The following C20orf173 variants were observed in gnomAD, a reference collection of about 807,000 sequenced individuals.
The protein encoded by C20orf173 is uncharacterized protein C20orf173.
C20orf173 carries 22 observed loss-of-function variants against 26.7 expected under a neutral mutation model. That is an observed-to-expected ratio of 0.82 (90% CI 0.59 to 1.18). C20orf173 has a LOEUF of 1.18. Ranked by LOEUF, C20orf173 falls within the 50% of genes most tolerant of loss-of-function variation. The probability of loss-of-function intolerance (pLI) is 0.00; values close to 1 mark genes in which losing one functional copy is unlikely to be tolerated. For synonymous variants in C20orf173, 85 were observed against 96.4 expected (o/e 0.88, Z 0.69); for missense variants, 210 against 250.3 (o/e 0.84, Z 1.09).
At chr20:35,521,632 G>A (rs560667558), downstream of C20orf173, among the ~76,000 whole-genome samples, 18 of 149,522 alleles carry the variant, frequency 1.2e-4, no homozygotes, top group Non-Finnish European at 1.9e-4. Context: ...TTTTGAGATG[G>A]AGTTTTGCTC....
chr20:35,528,255 C>G lies in C20orf173; in HGVS notation c.*3G>C. ...CACCGTGTCTTTGCTATCTTCCACT[C>G]CACTAGGGAACCAGACCATCTTCCA... is the stretch of plus-strand genomic sequence containing the variant. On this transcript the variant is annotated 3_prime_UTR_variant, in exon 5 of 6. Transcript: ENST00000444723. 6.4e-7 allele frequency: 1 copy of G among 1,552,142 alleles called. No homozygotes were observed. The highest frequency in any genetic ancestry group is 1.2e-5 in the South Asian group (1 of 84,060).
downstream of C20orf173, among the ~76,000 whole-genome samples, chr20:35,524,399 T>C (rs1194186046): frequency 6.6e-6 from 1 of 152,190 alleles, no homozygotes; most frequent in East Asian, 1.9e-4. Context: ...ATAAATTTCA[T>C]AAAATTTTAC....
At chr20:35,527,720 G>A (rs972177599) in intron 5 of C20orf173, among the ~76,000 whole-genome samples, 2 of 152,148 alleles carry the variant, frequency 1.3e-5, no homozygotes, top group Admixed American at 1.3e-4. Flanking sequence ...CCGGGTTCAA[G>A]CGATTCTTCT....
downstream of C20orf173, chr20:35,522,512 A>G (rs940240577): frequency 2.0e-5 from 3 of 152,716 alleles, no homozygotes; most frequent in Non-Finnish European, 4.4e-5. Context: ...AGGGCTGGCA[A>G]TCCCAGGGTA....
At chr20:35,525,046 A>T (rs1351775305), downstream of C20orf173, among the ~76,000 whole-genome samples, 1 of 148,252 alleles carries the variant, frequency 6.7e-6, no homozygotes, top group Non-Finnish European at 1.5e-5. Context: ...GAGATAAAAC[A>T]TTCTAAGTTT....
chr20:35,528,055 C>T (rs537577528), intron 5 of C20orf173, among the ~76,000 whole-genome samples, 178 bp downstream of exon 5: 4 of 152,192 alleles, frequency 2.6e-5, no homozygotes, highest in African/African-American at 9.6e-5. Flanking sequence ...TCTTTCCTGC[C>T]GGGGCACAGT....
At position 35,529,309 on chromosome 20, in the gene C20orf173, G is replaced by C. The variant is rs1342205322; in HGVS notation, c.65C>G (p.Pro22Arg). The C allele has an allele frequency of 6.4e-7, 1 of 1,551,224 alleles. No individual in the cohort carries two copies. Among genetic ancestry groups the C allele is most frequent in the East Asian group, 2.4e-5 (1 of 40,920 alleles). The change falls in exon 2 of 6, where the codon CCC (proline) becomes CGC (arginine). Residue 22 changes from proline to arginine, a missense_variant. Coordinates refer to ENST00000444723, the MANE Select transcript of C20orf173 (RefSeq NM_001145350.2). ...TGATTCAGGTGTCAGATCCAGATAG[G>C]GGGTCATCAGCCAGAGGATGAGCAC... ...FWVLILWLMT[P>R]YLDLTPESAP...
At chr20:35,526,316 T>C (rs2064501773), downstream of C20orf173, among the ~76,000 whole-genome samples, 1 of 152,028 alleles carries the variant, frequency 6.6e-6, no homozygotes, top group Non-Finnish European at 1.5e-5. Flanking sequence ...ATCTGACCAA[T>C]GGAATGCTGC....
chr20:35,529,480 G>T, intron 1 of C20orf173, 56 bp from the exon 2 acceptor site: 2 of 1,071,382 alleles, frequency 1.9e-6, no homozygotes, highest in Non-Finnish European at 2.6e-6. Context: ...CTGTCCTGTC[G>T]GCCTCCACAA....
intron 2 of C20orf173, 46 bp from the exon 3 acceptor site, chr20:35,528,925 A>T: frequency 6.5e-7 from 1 of 1,549,618 alleles, no homozygotes; most frequent in Non-Finnish European, 8.7e-7. Flanking sequence ...CAGGGGAGAG[A>T]AAACAGAGCT....
downstream of C20orf173, among the ~76,000 whole-genome samples, chr20:35,525,859 AAC>A (rs1429583080): frequency 1.3e-5 from 2 of 152,314 alleles, no homozygotes; most frequent in African/African-American, 4.8e-5. Context: ...ACCCACTTTT[AAC>A]TACATGCAAA....
intron 5 of C20orf173, among the ~76,000 whole-genome samples, 194 bp downstream of exon 5, chr20:35,528,039 C>T (rs757585949): frequency 1.2e-4 from 18 of 152,182 alleles, no homozygotes; most frequent in Non-Finnish European, 2.1e-4. Context: ...GAAGAAGATA[C>T]AAGAATCTTT....
At chr20:35,528,093 G>A (rs781494300) in intron 5 of C20orf173, 140 bp downstream of exon 5, 7 of 700,482 alleles carry the variant, frequency 1.0e-5, no homozygotes, top group Non-Finnish European at 1.8e-5. Context: ...AAAGCCTTGG[G>A]CCCCAGGGAT....
Position 35,528,222 on chromosome 20 carries a change from T to C in C20orf173, c.*25+11A>G. The stretch of plus-strand genomic sequence containing the variant: ...CAGCCACATCCTACCCCTTTTCCTA[T>C]TCCCCCTCACCGTGTCTTTGCTATC... On this transcript the variant is annotated intron_variant, in intron 5 of 5. Transcript: ENST00000444723. The C allele has an allele frequency of 1.9e-6, 3 of 1,550,260 alleles. No individual in the cohort carries two copies. The highest frequency in any genetic ancestry group is 2.6e-6 in the Non-Finnish European group (3 of 1,146,158).
intron 1 of C20orf173, 66 bp from the exon 2 acceptor site, chr20:35,529,490 A>G (rs939455334): frequency 7.6e-6 from 7 of 920,978 alleles, no homozygotes; most frequent in African/African-American, 1.7e-5. Context: ...GGCCTCCACA[A>G]CTCCCCATCC....
downstream of C20orf173, chr20:35,520,993 C>CG (rs2064471719): frequency 1.3e-5 from 2 of 152,248 alleles, no homozygotes; most frequent in African/African-American, 4.8e-5. Context: ...ACATCTCAGC[C>CG]GTAGACAGCA....
chr20:35,527,425 AAAG>A (rs1419452984), intron 5 of C20orf173, among the ~76,000 whole-genome samples, 175 bp from the exon 6 acceptor site: 1 of 152,020 alleles, frequency 6.6e-6, no homozygotes, highest in East Asian at 1.9e-4. Context: ...GGATCCCAAA[AAAG>A]AGAATGTCAA....
At chr20:35,523,864 C>A (rs2147282063), downstream of C20orf173, among the ~76,000 whole-genome samples, 1 of 152,220 alleles carries the variant, frequency 6.6e-6, no homozygotes, top group African/African-American at 2.4e-5. Flanking sequence ...AATCTCAGAG[C>A]TTTGGGAGGC....
downstream of C20orf173, among the ~76,000 whole-genome samples, chr20:35,524,347 G>A (rs1247222713): frequency 6.6e-6 from 1 of 152,002 alleles, no homozygotes; most frequent in Non-Finnish European, 1.5e-5. Flanking sequence ...TACACTTATA[G>A]TGTATCTAAA....
Sources: allele counts gnomAD v4.1 joint callset (sites outside exome capture counted in the v4.1 genomes callset), GRCh38; gene constraint gnomAD v4.1.1; transcripts MANE v1.5; gene names NCBI Gene and HGNC (gene_info 2026-07-23, HGNC 2026-07-21).